The following DGKB variants were observed in gnomAD, a reference collection of about 807,000 sequenced individuals.
DGKB encodes the protein 90 kDa diacylglycerol kinase.
A neutral mutation model predicts 114.3 loss-of-function variants in DGKB; 67 were observed. The observed-to-expected ratio is 0.59, with a 90% CI of 0.48 to 0.72. The LOEUF is 0.72. DGKB is among the 30% of genes least tolerant of loss of function. The pLI is 0.00. For missense variants in DGKB, 907 were observed against 975.2 expected (o/e 0.93, Z 0.93); for synonymous variants, 398 against 323.1 (o/e 1.23, Z -2.49).
chr7:14,453,458 A>T (rs1369352229), intron 21 of DGKB, among the ~76,000 whole-genome samples: 1 of 152,096 alleles, frequency 6.6e-6, no homozygotes, highest in African/African-American at 2.4e-5. Context: ...AAAGCATTAC[A>T]CTTTGCAGAG....
chr7:14,268,362 C>CAATA (rs1260618331), intron 23 of DGKB, among the ~76,000 whole-genome samples: 2 of 151,802 alleles, frequency 1.3e-5, no homozygotes, highest in Non-Finnish European at 2.9e-5. Context: ...TCTACAACAG[C>CAATA]AATAAATAAA....
intron 16 of DGKB, among the ~76,000 whole-genome samples, chr7:14,610,707 T>C (rs17666286): frequency 0.028 from 4,316 of 152,150 alleles, 103 homozygotes; most frequent in South Asian, 0.046. Flanking sequence ...AACCTACTAG[T>C]GGACAACTCT....
chr7:14,960,680 G>A (rs36910), intron 1 of DGKB, among the ~76,000 whole-genome samples: 17,771 of 151,774 alleles, frequency 0.12, 1,362 homozygotes, highest in Non-Finnish European at 0.18. Context: ...GAAAGTGAGG[G>A]GTTTCCCTAA....
intron 17 of DGKB, among the ~76,000 whole-genome samples, chr7:14,590,803 A>C (rs759152600): frequency 6.6e-6 from 1 of 152,108 alleles, no homozygotes; most frequent in African/African-American, 2.4e-5. Flanking sequence ...AATACACCTT[A>C]CTATTCACAT....
chr7:14,687,667 T>C (rs1386738341), intron 9 of DGKB, among the ~76,000 whole-genome samples: 2 of 152,186 alleles, frequency 1.3e-5, no homozygotes, highest in South Asian at 2.1e-4. Context: ...AAATTAAAAG[T>C]AGTAGCTAAG....
intron 22 of DGKB, among the ~76,000 whole-genome samples, chr7:14,343,438 T>C (rs542978935): frequency 7.9e-5 from 12 of 151,832 alleles, no homozygotes; most frequent in Non-Finnish European, 1.5e-4. Flanking sequence ...ACCACTTAAT[T>C]TTATCATTAT....
At chr7:14,658,272 A>G (rs993076219) in intron 13 of DGKB, among the ~76,000 whole-genome samples, 9 of 151,990 alleles carry the variant, frequency 5.9e-5, no homozygotes, top group African/African-American at 2.2e-4. Flanking sequence ...TCAGCAACAT[A>G]GATGGAACTG....
intron 23 of DGKB, among the ~76,000 whole-genome samples, chr7:14,332,173 G>A (rs569101185): frequency 4.3e-4 from 66 of 152,160 alleles, no homozygotes; most frequent in African/African-American, 1.6e-3. Flanking sequence ...CTACGTACTG[G>A]CCCCTATTCT....
intron 18 of DGKB, among the ~76,000 whole-genome samples, chr7:14,581,209 A>G (rs866811834): frequency 2.0e-5 from 3 of 152,180 alleles, no homozygotes; most frequent in Admixed American, 1.3e-4. Context: ...AGCTTTTTAA[A>G]TATCTTAACT....
In DGKB at chr7:14,172,320, T is replaced by G. The variant is rs116081025; in HGVS notation, c.2304+4519A>C. 6.3e-3 allele frequency among the ~76,000 whole-genome samples: 953 copies of G among 152,298 alleles called. 9 individuals are homozygous for G. Among genetic ancestry groups the G allele is most frequent in the African/African-American group, 0.021 (879 of 41,566 alleles). Reference sequence around the variant, plus strand: ...TCATATTTTATAGTGACTATTCTGATAGAAATGTGAAGCATGGACTTAATT... The same window carrying G: ...TCATATTTTATAGTGACTATTCTGAGAGAAATGTGAAGCATGGACTTAATT... On this transcript the variant is annotated intron_variant, in intron 25 of 25. Transcript: ENST00000402815.
At chr7:14,555,060 T>A (rs1584779604) in intron 20 of DGKB, among the ~76,000 whole-genome samples, 1 of 152,198 alleles carries the variant, frequency 6.6e-6, no homozygotes, top group African/African-American at 2.4e-5. Context: ...TTTACTTCTA[T>A]ATTTTCTTCT....
intron 23 of DGKB, among the ~76,000 whole-genome samples, chr7:14,286,190 C>T (rs901444316): frequency 6.6e-6 from 1 of 152,096 alleles, no homozygotes; most frequent in African/African-American, 2.4e-5. Context: ...TGAAATCTAT[C>T]TTATAGATTT....
At chr7:14,422,415 T>A (rs1401123167) in intron 21 of DGKB, among the ~76,000 whole-genome samples, 3 of 152,098 alleles carry the variant, frequency 2.0e-5, no homozygotes, top group Non-Finnish European at 4.4e-5. Context: ...TATAAATACA[T>A]GTGTACTTTT....
At chr7:14,733,778 G>GAAAGAAAGAAAGA (rs766452135) in intron 5 of DGKB, among the ~76,000 whole-genome samples, 2,441 of 144,958 alleles carry the variant, frequency 0.017, 47 homozygotes, top group East Asian at 0.039. Context: ...AGAAAGAAAG[G>GAAAGAAAGAAAGA]AAGAAAGAAA....
At chr7:14,255,841 T>A (rs1424860500) in intron 23 of DGKB, among the ~76,000 whole-genome samples, 1 of 152,150 alleles carries the variant, frequency 6.6e-6, no homozygotes, top group African/African-American at 2.4e-5. Flanking sequence ...TTCTGTAAAC[T>A]GCAATCAGGC....
rs1491030871 is a variant in DGKB, at chr7:14,825,056, A to ATC, written c.70+16136_70+16137dup. Among the ~76,000 whole-genome samples, 15 of 129,402 alleles carry ATC rather than the reference A, an allele frequency of 1.2e-4. No individual in the cohort carries two copies. In the East Asian group the frequency reaches 1.6e-3, roughly 13 times the overall value. 84.9% of individuals were successfully genotyped at this position (129,402 alleles called of 152,430 possible). A position where few individuals can be genotyped will look rare whatever the true frequency, so the allele number is the denominator to read the frequency against. The stretch of plus-strand genomic sequence containing the variant: ...TATATATATATATATATATATATAT[A>ATC]TCACATGTACTAGGTAAGCAGAGAT... On this transcript the variant is annotated intron_variant, in intron 2 of 25. Transcript: ENST00000402815.
intron 13 of DGKB, among the ~76,000 whole-genome samples, chr7:14,657,676 T>A (rs1045721487): frequency 6.6e-6 from 1 of 151,884 alleles, no homozygotes; most frequent in African/African-American, 2.4e-5. Flanking sequence ...GCAAGACACA[T>A]CCTTAGTTAG....
intron 21 of DGKB, among the ~76,000 whole-genome samples, chr7:14,405,566 C>G (rs1277020647): frequency 6.6e-6 from 1 of 152,002 alleles, no homozygotes; most frequent in Admixed American, 6.6e-5. Flanking sequence ...ATGAATCTAA[C>G]ATGTTTCATT....
chr7:14,721,615 G>A, intron 5 of DGKB, among the ~76,000 whole-genome samples: 1 of 152,072 alleles, frequency 6.6e-6, no homozygotes, highest in African/African-American at 2.4e-5. Context: ...ATTTAATTGT[G>A]TCACAGTTTT....
Sources: allele counts gnomAD v4.1 joint callset (sites outside exome capture counted in the v4.1 genomes callset), GRCh38; gene constraint gnomAD v4.1.1; transcripts MANE v1.5; gene names NCBI Gene and HGNC (gene_info 2026-07-23, HGNC 2026-07-21).